PDE4B: variants seen among roughly 807,000 people sequenced by gnomAD.
PDE4B encodes 3',5'-cyclic-AMP phosphodiesterase 4B.
PDE4B carries 20 observed loss-of-function variants against 82.2 expected under a neutral mutation model. That is an observed-to-expected ratio of 0.24 (90% CI 0.17 to 0.35). PDE4B has a LOEUF of 0.35. Among genes scored for constraint, PDE4B ranks in the 10% least tolerant of loss-of-function variants. The pLI, the probability that PDE4B is intolerant of heterozygous loss-of-function variation, is 1.00. For synonymous variants in PDE4B, 320 were observed against 318.9 expected, an observed-to-expected ratio of 1.00 and a Z score of -0.04; for missense variants, 655 against 907.2, an observed-to-expected ratio of 0.72 and a Z score of 3.57.
chr1:66,217,029 T>C (rs1258677589), intron 3 of PDE4B, among the ~76,000 whole-genome samples: 1 of 152,142 alleles, frequency 6.6e-6, no homozygotes, highest in Non-Finnish European at 1.5e-5. Flanking sequence ...TACATCATCA[T>C]GTCTGCTTCA....
rs972730194 is a variant in PDE4B at position 66,358,921 on chromosome 1, A to T, written c.842-2694A>T. 2.0e-5 allele frequency among the ~76,000 whole-genome samples: 3 copies of T among 152,296 alleles called. 1 individual carries two copies. The highest frequency in any genetic ancestry group is 6.5e-5 in the Admixed American group (1 of 15,284). Reference sequence around the variant, plus strand: ...ATCTTTTAAAAAAAAGTGGTGCAGGAGGACAGGGAGAAAGGCAGGCAGTAG... The same window carrying T: ...ATCTTTTAAAAAAAAGTGGTGCAGGTGGACAGGGAGAAAGGCAGGCAGTAG... On this transcript the variant is annotated intron_variant, in intron 9 of 16. Coordinates refer to ENST00000341517, the MANE Select transcript of PDE4B (RefSeq NM_002600.4).
At chr1:65,957,250 G>C (rs1313148990) in intron 3 of PDE4B, among the ~76,000 whole-genome samples, 1 of 151,340 alleles carries the variant, frequency 6.6e-6, no homozygotes, top group African/African-American at 2.4e-5. Context: ...AATGCTTTGT[G>C]CTTAAAAAAT....
In PDE4B at chr1:65,983,404, G is replaced by A. The variant is rs568123539; in HGVS notation, c.281+64569G>A. Among the ~76,000 whole-genome samples the A allele has an allele frequency of 1.4e-4, 22 of 152,234 alleles. No individual in the cohort carries two copies. The South Asian group carries it at 3.5e-3, about 24-fold the overall frequency. ...GAATTTTTGGGGTCAGAGGATGGAC[G>A]TTTATGGGTTTGTGTCCTCCCCAAA... On this transcript the variant is annotated intron_variant, in intron 3 of 16. Coordinates refer to ENST00000341517, the MANE Select transcript of PDE4B (RefSeq NM_002600.4).
intron 3 of PDE4B, among the ~76,000 whole-genome samples, chr1:66,027,307 T>C (rs1653499232): frequency 6.6e-6 from 1 of 152,142 alleles, no homozygotes; most frequent in African/African-American, 2.4e-5. Flanking sequence ...CATCAGATTT[T>C]GTGAAACTTA....
chr1:65,964,569 A>C (rs1649715459), intron 3 of PDE4B, among the ~76,000 whole-genome samples: 1 of 152,236 alleles, frequency 6.6e-6, no homozygotes, highest in South Asian at 2.1e-4. Flanking sequence ...AATGATGAGG[A>C]CATGAGTCTA....
At chr1:66,250,668 G>C (rs1361868025) in intron 4 of PDE4B, among the ~76,000 whole-genome samples, 1 of 152,198 alleles carries the variant, frequency 6.6e-6, no homozygotes, top group Non-Finnish European at 1.5e-5. Context: ...CAGTTCCTGT[G>C]TTGTAGTCAT....
At chr1:66,091,217 C>G (rs1003645255) in intron 3 of PDE4B, among the ~76,000 whole-genome samples, 2 of 152,014 alleles carry the variant, frequency 1.3e-5, no homozygotes, top group African/African-American at 4.8e-5. Context: ...TTCCTAGCAT[C>G]TGTTCTATTC....
intron 3 of PDE4B, among the ~76,000 whole-genome samples, chr1:66,244,792 G>T (rs189589092): frequency 2.0e-5 from 3 of 152,272 alleles, no homozygotes; most frequent in Admixed American, 6.5e-5. Flanking sequence ...AGTTTAAGTA[G>T]GGTAAGAAGG....
intron 3 of PDE4B, among the ~76,000 whole-genome samples, chr1:65,994,841 C>A (rs1347430601): frequency 6.6e-6 from 1 of 151,870 alleles, no homozygotes; most frequent in Non-Finnish European, 1.5e-5. Context: ...ATAGTGTGAC[C>A]TTTCTTTTTC....
intron 3 of PDE4B, among the ~76,000 whole-genome samples, chr1:66,008,918 A>G (rs1056406683): frequency 3.3e-5 from 5 of 152,014 alleles, no homozygotes; most frequent in Non-Finnish European, 5.9e-5. Flanking sequence ...TTTGTCCTAT[A>G]ATAACTCCCT....
intron 3 of PDE4B, among the ~76,000 whole-genome samples, chr1:66,097,287 G>A (rs1323392668): frequency 2.0e-5 from 3 of 151,948 alleles, no homozygotes; most frequent in Admixed American, 6.6e-5. Context: ...TTAAATTTTA[G>A]CCATTCAAGT....
At chr1:66,122,200 A>G (rs1321243901) in intron 3 of PDE4B, among the ~76,000 whole-genome samples, 3 of 152,186 alleles carry the variant, frequency 2.0e-5, no homozygotes, top group African/African-American at 7.2e-5. Context: ...GGATCATGAT[A>G]ATAACTACTG....
intron 3 of PDE4B, among the ~76,000 whole-genome samples, chr1:65,981,818 G>T (rs981696530): frequency 6.6e-6 from 1 of 152,058 alleles, no homozygotes. Flanking sequence ...GTTCCCAGTG[G>T]TTCTCTCTTT....
chr1:66,210,595 C>CA (rs35825766), intron 3 of PDE4B, among the ~76,000 whole-genome samples: 16,481 of 45,750 alleles, frequency 0.36, 3,282 homozygotes, highest in Non-Finnish European at 0.44. Flanking sequence ...GACTCCATCT[C>CA]AAAAAAAAAA....
intron 1 of PDE4B, among the ~76,000 whole-genome samples, chr1:65,855,475 A>G (rs1156541693): frequency 6.6e-6 from 1 of 152,036 alleles, no homozygotes; most frequent in African/African-American, 2.4e-5. Flanking sequence ...CTTGCACAGA[A>G]CTTCTAGATC....
At chr1:66,097,311 A>T (rs1048488268) in intron 3 of PDE4B, among the ~76,000 whole-genome samples, 27 of 152,088 alleles carry the variant, frequency 1.8e-4, no homozygotes, top group African/African-American at 6.5e-4. Flanking sequence ...TGTCTTTGGT[A>T]TCACATTGTG....
At chr1:66,254,841 G>C (rs1186323635) in intron 4 of PDE4B, among the ~76,000 whole-genome samples, 1 of 152,038 alleles carries the variant, frequency 6.6e-6, no homozygotes, top group Non-Finnish European at 1.5e-5. Context: ...TTACCTATTG[G>C]TTCTCATCAG....
At chr1:65,805,269 G>T (rs1047616770) in intron 1 of PDE4B, among the ~76,000 whole-genome samples, 2 of 152,146 alleles carry the variant, frequency 1.3e-5, no homozygotes, top group Admixed American at 6.6e-5. Flanking sequence ...CTGGCCAGGG[G>T]CATGTCTCTT....
intron 3 of PDE4B, among the ~76,000 whole-genome samples, chr1:65,976,293 G>A (rs979640363): frequency 6.6e-6 from 1 of 152,212 alleles, no homozygotes; most frequent in Non-Finnish European, 1.5e-5. Context: ...GGTGCCTGTA[G>A]CCCCTTTGGT....
Sources: allele counts gnomAD v4.1 joint callset (sites outside exome capture counted in the v4.1 genomes callset), GRCh38; gene constraint gnomAD v4.1.1; transcripts MANE v1.5; gene names NCBI Gene and HGNC (gene_info 2026-07-23, HGNC 2026-07-21).